Variants in NETO1 observed in about 807,000 individuals in gnomAD.
NETO1 encodes neuropilin and tolloid-like protein 1.
A neutral mutation model predicts 61.3 loss-of-function variants in NETO1; 26 were observed. The observed-to-expected ratio is 0.42, with a 90% CI of 0.31 to 0.59. The LOEUF (loss-of-function observed/expected upper bound fraction) is 0.59, where lower values mean the gene tolerates loss of function less well. Ranked by LOEUF, NETO1 falls within the 20% of genes least tolerant of loss-of-function variation. NETO1 has a pLI of 0.12. For synonymous variants in NETO1, 225 were observed against 225.8 expected, an observed-to-expected ratio of 1.00 and a Z score of 0.03; for missense variants, 531 against 662.8, an observed-to-expected ratio of 0.80 and a Z score of 2.18.
At chr18:72,820,102 C>T (rs2073144369) in intron 4 of NETO1, among the ~76,000 whole-genome samples, 1 of 152,124 alleles carries the variant, frequency 6.6e-6, no homozygotes, top group Non-Finnish European at 1.5e-5. Flanking sequence ...AGCTACACAA[C>T]TAGAAATTTC....
chr18:72,863,827 G>A (rs2074653768), intron 3 of NETO1, among the ~76,000 whole-genome samples: 2 of 152,032 alleles, frequency 1.3e-5, no homozygotes, highest in Admixed American at 6.5e-5. Context: ...GGGAAGGTGG[G>A]TGCTTCCAGG....
intron 4 of NETO1, among the ~76,000 whole-genome samples, chr18:72,822,649 T>A (rs2073237870): frequency 6.6e-6 from 1 of 152,234 alleles, no homozygotes; most frequent in Non-Finnish European, 1.5e-5. Context: ...GTTTTGCACA[T>A]CTTGTAATTG....
intron 4 of NETO1, among the ~76,000 whole-genome samples, chr18:72,857,805 T>A (rs1008793347): frequency 6.6e-6 from 1 of 152,194 alleles, no homozygotes; most frequent in Non-Finnish European, 1.5e-5. Flanking sequence ...AAAACATTCC[T>A]AATGCTTAAA....
chr18:72,809,679 T>A (rs559850261), intron 4 of NETO1, among the ~76,000 whole-genome samples: 7 of 152,382 alleles, frequency 4.6e-5, no homozygotes, highest in African/African-American at 1.7e-4. Context: ...ACAAATCAAA[T>A]ACTGTTGTTG....
intron 8 of NETO1, among the ~76,000 whole-genome samples, chr18:72,754,432 C>T (rs535507336): frequency 1.4e-3 from 216 of 151,842 alleles, no homozygotes; most frequent in African/African-American, 4.8e-3. Flanking sequence ...AGACTGTCTA[C>T]AAAAGAAACA....
At chr18:72,829,076 C>A (rs1376508306) in intron 4 of NETO1, among the ~76,000 whole-genome samples, 1 of 152,056 alleles carries the variant, frequency 6.6e-6, no homozygotes, top group Non-Finnish European at 1.5e-5. Flanking sequence ...ACTCCAATTA[C>A]CTTATTACAG....
intron 4 of NETO1, among the ~76,000 whole-genome samples, chr18:72,808,313 A>G (rs1705345827): frequency 6.6e-6 from 1 of 152,120 alleles, no homozygotes; most frequent in Non-Finnish European, 1.5e-5. Flanking sequence ...AGGAATAACG[A>G]AGTGCAGTCT....
intron 7 of NETO1, among the ~76,000 whole-genome samples, chr18:72,756,611 A>G (rs2070791987): frequency 1.3e-5 from 2 of 152,194 alleles, no homozygotes; most frequent in Non-Finnish European, 2.9e-5. Flanking sequence ...CTGTAACATT[A>G]CTTAAGAATA....
At chr18:72,807,677 C>T (rs1009451302) in intron 4 of NETO1, among the ~76,000 whole-genome samples, 44 of 151,234 alleles carry the variant, frequency 2.9e-4, no homozygotes, top group African/African-American at 8.0e-4. Flanking sequence ...AATCATCAGA[C>T]GATCAAAAAT....
chr18:72,829,517 C>T (rs923543313), intron 4 of NETO1, among the ~76,000 whole-genome samples: 1 of 152,040 alleles, frequency 6.6e-6, no homozygotes, highest in Non-Finnish European at 1.5e-5. Context: ...CTGGACACAC[C>T]TGGCATTTTC....
At chr18:72,771,330 G>T (rs1320731015) in intron 7 of NETO1, among the ~76,000 whole-genome samples, 1 of 152,112 alleles carries the variant, frequency 6.6e-6, no homozygotes, top group Non-Finnish European at 1.5e-5. Flanking sequence ...AAGAGAATTA[G>T]GCTTCTTAGA....
intron 8 of NETO1, 58 bp from the exon 9 acceptor site, chr18:72,750,678 A>G: frequency 1.6e-6 from 2 of 1,253,152 alleles, no homozygotes; most frequent in Non-Finnish European, 2.2e-6. Context: ...AACGCAGCAA[A>G]CATTAATATT....
chr18:72,835,383 A>G, intron 4 of NETO1: 1 of 1,414,454 alleles, frequency 7.1e-7, no homozygotes, highest in Non-Finnish European at 9.8e-7. Context: ...CATGAATTGT[A>G]GGAAGTCCAC....
chr18:72,776,497 T>C (rs1266554544), intron 7 of NETO1, among the ~76,000 whole-genome samples: 2 of 152,324 alleles, frequency 1.3e-5, no homozygotes, highest in South Asian at 2.1e-4. Context: ...GAGCAGCTTA[T>C]GACCAACAGA....
chr18:72,856,832 A>G (rs2074425072), intron 4 of NETO1, among the ~76,000 whole-genome samples: 1 of 152,190 alleles, frequency 6.6e-6, no homozygotes, highest in Non-Finnish European at 1.5e-5. Context: ...GACTTGAGAA[A>G]TTCTTCCTCC....
At chr18:72,756,432 T>A (rs1175850590) in intron 7 of NETO1, among the ~76,000 whole-genome samples, 1 of 152,150 alleles carries the variant, frequency 6.6e-6, no homozygotes, top group Non-Finnish European at 1.5e-5. Context: ...AGTAGGCATA[T>A]TTATTTAGCA....
intron 4 of NETO1, among the ~76,000 whole-genome samples, chr18:72,796,156 A>T (rs1252116460): frequency 6.6e-6 from 1 of 152,222 alleles, no homozygotes; most frequent in Non-Finnish European, 1.5e-5. Context: ...TTAGTTTAGG[A>T]TATTAAGACT....
At chr18:72,795,308 A>G (rs944729525) in intron 4 of NETO1, among the ~76,000 whole-genome samples, 1 of 152,194 alleles carries the variant, frequency 6.6e-6, no homozygotes, top group African/African-American at 2.4e-5. Flanking sequence ...TCTGGCTCTC[A>G]TTGCAGTCAT....
At chr18:72,787,398 C>G (rs1289055578) in intron 6 of NETO1, among the ~76,000 whole-genome samples, 1 of 151,768 alleles carries the variant, frequency 6.6e-6, no homozygotes, top group Non-Finnish European at 1.5e-5. Flanking sequence ...AAGTACTAAG[C>G]CCACGGGATG....
Sources: allele counts gnomAD v4.1 joint callset (sites outside exome capture counted in the v4.1 genomes callset), GRCh38; gene constraint gnomAD v4.1.1; transcripts MANE v1.5; gene names NCBI Gene and HGNC (gene_info 2026-07-23, HGNC 2026-07-21).